Variants in LRRC4C observed in about 807,000 individuals in gnomAD.
LRRC4C encodes the protein leucine-rich repeat-containing protein 4C.
Under a neutral mutation model 33.6 loss-of-function variants are expected in LRRC4C, and 5 were observed. That is an observed-to-expected ratio of 0.15 (90% CI 0.08 to 0.31). The LOEUF (loss-of-function observed/expected upper bound fraction) is 0.31. Ranked by LOEUF, LRRC4C falls within the 10% of genes least tolerant of loss-of-function variation. The pLI is 1.00. For synonymous variants in LRRC4C, 329 were observed against 302.0 expected (o/e 1.09, Z -0.93); for missense variants, 560 against 796.7 (o/e 0.70, Z 3.58).
chr11:40,581,527 G>A (rs1392314251), intron 3 of LRRC4C, among the ~76,000 whole-genome samples: 1 of 151,986 alleles, frequency 6.6e-6, no homozygotes. Flanking sequence ...ATTTTTGCTA[G>A]TTCCATCTCA....
chr11:41,041,948 A>G (rs1447949445), intron 1 of LRRC4C, among the ~76,000 whole-genome samples: 2 of 152,186 alleles, frequency 1.3e-5, no homozygotes, highest in Non-Finnish European at 2.9e-5. Context: ...CTGCAGCTGT[A>G]CTATGTTAAA....
chr11:41,059,259 A>C (rs1203829766), intron 1 of LRRC4C, among the ~76,000 whole-genome samples: 1 of 110,608 alleles, frequency 9.0e-6, no homozygotes, highest in African/African-American at 3.1e-5. Context: ...TAAGGTCCTA[A>C]GTTTTGATGA....
At chr11:40,775,663 A>G (rs963283362) in intron 2 of LRRC4C, among the ~76,000 whole-genome samples, 2 of 152,150 alleles carry the variant, frequency 1.3e-5, no homozygotes, top group Non-Finnish European at 1.5e-5. Flanking sequence ...TTTCAGGTCT[A>G]TGGGCCCTTT....
intron 2 of LRRC4C, among the ~76,000 whole-genome samples, chr11:40,685,533 T>G (rs1361655675): frequency 6.6e-6 from 1 of 151,914 alleles, no homozygotes; most frequent in Non-Finnish European, 1.5e-5. Flanking sequence ...AAGTAAGATT[T>G]TTATAACTAT....
At chr11:40,325,428 T>C (rs1946048919) in intron 3 of LRRC4C, among the ~76,000 whole-genome samples, 1 of 152,064 alleles carries the variant, frequency 6.6e-6, no homozygotes, top group Non-Finnish European at 1.5e-5. Flanking sequence ...AGCCAGGAGT[T>C]CAAGATCAGC....
At chr11:41,325,052 C>T (rs1029417321) in intron 1 of LRRC4C, among the ~76,000 whole-genome samples, 1 of 152,116 alleles carries the variant, frequency 6.6e-6, no homozygotes, top group African/African-American at 2.4e-5. Flanking sequence ...TGTTATATAA[C>T]TGAAGCAAGG....
chr11:40,542,985 A>T (rs1305192279), intron 3 of LRRC4C, among the ~76,000 whole-genome samples: 1 of 152,134 alleles, frequency 6.6e-6, no homozygotes, highest in African/African-American at 2.4e-5. Context: ...CTAGGTTGTA[A>T]ATCGAATCTT....
chr11:41,142,312 C>T (rs1026856099), intron 1 of LRRC4C, among the ~76,000 whole-genome samples: 6 of 152,154 alleles, frequency 3.9e-5, no homozygotes, highest in African/African-American at 1.4e-4. Flanking sequence ...CAGTTCAGAA[C>T]ACAGCAGTGC....
At chr11:41,051,520 CAAAAAAAAAAAAAAAAAAAAAA>C (rs530003573) in intron 1 of LRRC4C, among the ~76,000 whole-genome samples, 3,173 of 60,456 alleles carry the variant, frequency 0.052, 142 homozygotes, top group South Asian at 0.2. Flanking sequence ...GGTCTCAAGG[CAAAAAAAAAAAAAAAAAAAAAA>C]AAAAAAAAAA....
intron 1 of LRRC4C, among the ~76,000 whole-genome samples, chr11:41,160,054 G>A (rs1049055595): frequency 6.6e-6 from 1 of 151,898 alleles, no homozygotes; most frequent in East Asian, 1.9e-4. Context: ...GAAATTAAAA[G>A]TATTAGAAAA....
chr11:40,823,590 T>C (rs900373130), intron 2 of LRRC4C, among the ~76,000 whole-genome samples: 4 of 151,752 alleles, frequency 2.6e-5, no homozygotes, highest in African/African-American at 9.7e-5. Context: ...AATTGGCACA[T>C]GAAAATGTTC....
chr11:40,237,247 T>G (rs1404392329), intron 5 of LRRC4C, among the ~76,000 whole-genome samples: 1 of 152,156 alleles, frequency 6.6e-6, no homozygotes, highest in Non-Finnish European at 1.5e-5. Context: ...ATCTGTAACT[T>G]TTACCCAATT....
chr11:40,391,624 G>T (rs1660896005), intron 3 of LRRC4C, among the ~76,000 whole-genome samples: 1 of 152,144 alleles, frequency 6.6e-6, no homozygotes, highest in South Asian at 2.1e-4. Context: ...TTCAGCCATT[G>T]CACAGTATTT....
intron 2 of LRRC4C, among the ~76,000 whole-genome samples, chr11:40,803,587 TTAATATTTAATTTTTAATTAATTAATGA>T (rs1951124968): frequency 6.6e-6 from 1 of 152,098 alleles, no homozygotes; most frequent in South Asian, 2.1e-4. Context: ...GTCATTTTTT[TTAATATTTAATTTTTAATTAATTAATGA>T]ATTTATTTAT....
At chr11:40,473,678 T>G (rs1953059570) in intron 3 of LRRC4C, among the ~76,000 whole-genome samples, 1 of 152,186 alleles carries the variant, frequency 6.6e-6, no homozygotes, top group Non-Finnish European at 1.5e-5. Context: ...TGTTTACAGA[T>G]GACATGATGG....
At chr11:40,772,226 G>A (rs1208504827) in intron 2 of LRRC4C, among the ~76,000 whole-genome samples, 1 of 152,162 alleles carries the variant, frequency 6.6e-6, no homozygotes, top group Non-Finnish European at 1.5e-5. Flanking sequence ...CATGGTGGGA[G>A]GAGAGAGAAG....
At chr11:40,381,573 TG>T (rs1948868129) in intron 3 of LRRC4C, among the ~76,000 whole-genome samples, 1 of 152,140 alleles carries the variant, frequency 6.6e-6, no homozygotes, top group Admixed American at 6.5e-5. Context: ...AGTAAGCAAC[TG>T]TCAGTCTTCA....
intron 1 of LRRC4C, among the ~76,000 whole-genome samples, chr11:41,189,857 T>C (rs1385237865): frequency 6.6e-6 from 1 of 152,206 alleles, no homozygotes; most frequent in Admixed American, 6.5e-5. Flanking sequence ...CCCATTGCAC[T>C]GGTCTGCTGT....
intron 4 of LRRC4C, among the ~76,000 whole-genome samples, chr11:40,318,741 T>G (rs1368374709): frequency 6.6e-6 from 1 of 152,174 alleles, no homozygotes; most frequent in Non-Finnish European, 1.5e-5. Context: ...ACAGAATAAC[T>G]TAACAGTATG....
Sources: allele counts gnomAD v4.1 joint callset (sites outside exome capture counted in the v4.1 genomes callset), GRCh38; gene constraint gnomAD v4.1.1; transcripts MANE v1.5; gene names NCBI Gene and HGNC (gene_info 2026-07-23, HGNC 2026-07-21).